The following NEGR1 variants were observed in gnomAD, a reference collection of about 807,000 sequenced individuals.
The protein encoded by NEGR1 is neuronal growth regulator 1, also known as IgLON family member 4.
NEGR1 carries 10 observed loss-of-function variants against 40.9 expected under a neutral mutation model. The ratio of observed to expected loss-of-function variants is 0.24; its 90% CI spans 0.15 to 0.42. The LOEUF is 0.42. NEGR1 is among the 10% of genes least tolerant of loss of function. The pLI, the probability that NEGR1 is intolerant of heterozygous loss-of-function variation, is 1.00. For missense variants in NEGR1, 352 were observed against 438.9 expected (o/e 0.80, Z 1.77); for synonymous variants, 185 against 166.8 (o/e 1.11, Z -0.84).
rs559205915 is a variant in NEGR1 at position 72,131,449 on chromosome 1, G to A, written c.176+150870C>T. ...AATTCCAGCAAAGATGAGATTAGGG[G>A]TTTCTAAACAAAGAGAAACAAGGGC... is the stretch of plus-strand genomic sequence containing the variant. On this transcript the variant is annotated intron_variant, in intron 1 of 6. Coordinates refer to ENST00000357731, the MANE Select transcript of NEGR1 (RefSeq NM_173808.3). Among the ~76,000 whole-genome samples, 14 of 152,234 alleles carry A rather than the reference G, an allele frequency of 9.2e-5. No homozygotes were observed. The South Asian group carries it at 2.9e-3, about 32-fold the overall frequency.
intron 2 of NEGR1, among the ~76,000 whole-genome samples, chr1:71,818,675 A>T: frequency 6.6e-6 from 1 of 152,064 alleles, no homozygotes; most frequent in East Asian, 1.9e-4. Context: ...TATGACTCTG[A>T]ATCTAAAATA....
At chr1:71,829,829 C>T (rs901533651) in intron 2 of NEGR1, among the ~76,000 whole-genome samples, 3 of 151,922 alleles carry the variant, frequency 2.0e-5, no homozygotes, top group Non-Finnish European at 4.4e-5. Flanking sequence ...GCAGCACAAT[C>T]CTTCTCAAGG....
At chr1:71,624,834 T>C (rs1650716973) in intron 4 of NEGR1, among the ~76,000 whole-genome samples, 1 of 151,966 alleles carries the variant, frequency 6.6e-6, no homozygotes, top group South Asian at 2.1e-4. Flanking sequence ...CCATCCTTAC[T>C]GTTCTCCATC....
intron 2 of NEGR1, among the ~76,000 whole-genome samples, chr1:71,903,701 A>ATC (rs570797686): frequency 6.6e-6 from 1 of 151,638 alleles, no homozygotes; most frequent in Non-Finnish European, 1.5e-5. Context: ...TGTCTGTTGC[A>ATC]TCTCTCTCTC....
At chr1:71,458,583 A>G (rs976699245) in intron 6 of NEGR1, among the ~76,000 whole-genome samples, 1 of 152,188 alleles carries the variant, frequency 6.6e-6, no homozygotes, top group Non-Finnish European at 1.5e-5. Flanking sequence ...TGATCATACC[A>G]GTAATCCATA....
chr1:71,700,956 G>A (rs1653671285), intron 3 of NEGR1, among the ~76,000 whole-genome samples: 1 of 151,942 alleles, frequency 6.6e-6, no homozygotes. Context: ...TTTGAATATG[G>A]AGGAAGTAGA....
intron 1 of NEGR1, among the ~76,000 whole-genome samples, chr1:71,957,851 G>A (rs547453632): frequency 1.6e-4 from 24 of 152,210 alleles, no homozygotes; most frequent in Admixed American, 5.9e-4. Context: ...GACCTATTTC[G>A]GCTTTCCAGC....
intron 2 of NEGR1, among the ~76,000 whole-genome samples, chr1:71,861,319 A>G (rs1659940339): frequency 6.6e-6 from 1 of 152,002 alleles, no homozygotes; most frequent in Non-Finnish European, 1.5e-5. Context: ...AACACCATAC[A>G]CTATTATTAC....
intron 2 of NEGR1, among the ~76,000 whole-genome samples, chr1:71,827,974 A>T (rs1658699512): frequency 6.6e-6 from 1 of 151,982 alleles, no homozygotes; most frequent in Admixed American, 6.6e-5. Context: ...ATAGATTCTG[A>T]AAGAATTCAA....
chr1:72,051,757 A>G (rs1647063857), intron 1 of NEGR1, among the ~76,000 whole-genome samples: 2 of 151,494 alleles, frequency 1.3e-5, no homozygotes, highest in Non-Finnish European at 1.5e-5. Flanking sequence ...CTAAGCTGTC[A>G]TATAATGGCA....
chr1:72,188,531 A>T (rs1652696040), intron 1 of NEGR1, among the ~76,000 whole-genome samples: 1 of 151,524 alleles, frequency 6.6e-6, no homozygotes. Flanking sequence ...TAAAATCAAC[A>T]CTGACTTCTG....
intron 4 of NEGR1, among the ~76,000 whole-genome samples, chr1:71,642,517 C>A (rs925020148): frequency 1.3e-5 from 2 of 151,770 alleles, no homozygotes; most frequent in Non-Finnish European, 2.9e-5. Flanking sequence ...AAGATGATCT[C>A]ACAATCACTT....
At chr1:71,655,087 T>A (rs988040497) in intron 4 of NEGR1, among the ~76,000 whole-genome samples, 2 of 152,214 alleles carry the variant, frequency 1.3e-5, no homozygotes, top group African/African-American at 4.8e-5. Flanking sequence ...TACACAGTTT[T>A]AATTCCATTT....
chr1:71,931,401 T>C (rs1462702314), intron 2 of NEGR1, among the ~76,000 whole-genome samples: 1 of 152,180 alleles, frequency 6.6e-6, no homozygotes, highest in Admixed American at 6.6e-5. Flanking sequence ...GTCCATTTTA[T>C]GTTGTTATAA....
intron 4 of NEGR1, among the ~76,000 whole-genome samples, chr1:71,649,072 T>C (rs1038492270): frequency 1.1e-4 from 17 of 152,070 alleles, no homozygotes; most frequent in African/African-American, 3.6e-4. Flanking sequence ...TTGATGTATA[T>C]GTAGAAATAT....
intron 6 of NEGR1, among the ~76,000 whole-genome samples, chr1:71,532,066 A>G (rs997365965): frequency 1.5e-4 from 23 of 151,552 alleles, no homozygotes; most frequent in Non-Finnish European, 2.8e-4. Flanking sequence ...AAATCCTTTA[A>G]CTCAGCAGTT....
intron 1 of NEGR1, among the ~76,000 whole-genome samples, chr1:71,952,018 C>A (rs1171713465): frequency 6.6e-6 from 1 of 151,908 alleles, no homozygotes; most frequent in Non-Finnish European, 1.5e-5. Flanking sequence ...TTCCCCATCT[C>A]TTTCTCTCTC....
chr1:71,452,077 C>G (rs530761833), intron 6 of NEGR1, among the ~76,000 whole-genome samples: 3 of 152,260 alleles, frequency 2.0e-5, no homozygotes, highest in African/African-American at 7.2e-5. Flanking sequence ...TACTATGAGA[C>G]AAAGAGTAGT....
intron 6 of NEGR1, among the ~76,000 whole-genome samples, chr1:71,529,036 ATT>A (rs34533864): frequency 0.041 from 6,139 of 150,856 alleles, 406 homozygotes; most frequent in African/African-American, 0.14. Flanking sequence ...TAAATAAAGC[ATT>A]TTTTTTTACT....
Sources: gnomAD v4.1 joint callset for allele counts (sites outside exome capture counted in the v4.1 genomes callset) on GRCh38, gnomAD v4.1.1 for gene constraint, MANE v1.5 for transcripts, NCBI Gene and HGNC (gene_info 2026-07-23, HGNC 2026-07-21) for gene names.